MAG: variants seen among roughly 807,000 people sequenced by gnomAD.
MAG encodes the protein myelin-associated glycoprotein.
MAG carries 30 observed loss-of-function variants against 60.7 expected under a neutral mutation model. The ratio of observed to expected loss-of-function variants is 0.49; its 90% CI spans 0.37 to 0.67. The LOEUF is 0.67. MAG is among the 30% of genes least tolerant of loss of function. The probability of loss-of-function intolerance (pLI) is 0.00; values close to 1 mark genes in which losing one functional copy is unlikely to be tolerated. For missense variants in MAG, 795 were observed against 851.7 expected, an observed-to-expected ratio of 0.93 and a Z score of 0.83; for synonymous variants, 384 against 376.8, an observed-to-expected ratio of 1.02 and a Z score of -0.22.
chr19:35,313,427 T>C lies in MAG; in HGVS notation c.1854T>C (p.Ala618=). ...KDSYTLTEEL[A]EYAEIRVK Reference sequence around the variant, plus strand: ...GCTACACGCTGACGGAGGAGCTAGCTGAGTATGCTGAAATCCGGGTCAAGT... The same window carrying C: ...GCTACACGCTGACGGAGGAGCTAGCCGAGTATGCTGAAATCCGGGTCAAGT... The change falls in exon 11 of 11, where the codon GCT becomes GCC. Residue 618 remains alanine, a synonymous_variant. Transcript: ENST00000392213. The C allele has an allele frequency of 1.2e-6, 2 of 1,613,358 alleles. No individual in the cohort carries two copies. Among genetic ancestry groups the C allele is most frequent in the Non-Finnish European group, 8.5e-7 (1 of 1,179,726 alleles).
At chr19:35,306,963 G>T (rs1258437544) in intron 7 of MAG, among the ~76,000 whole-genome samples, 1 of 152,212 alleles carries the variant, frequency 6.6e-6, no homozygotes, top group African/African-American at 2.4e-5. Flanking sequence ...TTACAGGTTT[G>T]TCTAGAGTCC....
In MAG at chr19:35,313,385, A is replaced by G. The variant is rs1282972658; in HGVS notation, c.1812A>G (p.Lys604=). The change falls in exon 11 of 11, where the codon AAA becomes AAG. Residue 604 remains lysine, a synonymous_variant. Coordinates refer to ENST00000392213, the MANE Select transcript of MAG (RefSeq NM_002361.4). ...DLSYSHSDLG[K]RPTKDSYTLT... Reference sequence around the variant, plus strand: ...GCTATTCTCACTCGGACCTGGGGAAACGGCCCACCAAGGACAGCTACACGC... The same window carrying G: ...GCTATTCTCACTCGGACCTGGGGAAGCGGCCCACCAAGGACAGCTACACGC... 1.2e-6 allele frequency: 2 copies of G among 1,614,072 alleles called. No homozygotes were observed. Among genetic ancestry groups the G allele is most frequent in the Non-Finnish European group, 1.7e-6 (2 of 1,179,982 alleles).
Position 35,305,742 on chromosome 19 carries a change from G to A in MAG, c.1231+3034G>A, listed in dbSNP as rs186209449. ...GGCTGAGACAGTTGGATCACTTGAG[G>A]CCAGGAGTTCGAGACCAGCCTGACC... On this transcript the variant is annotated intron_variant, in intron 7 of 10. Transcript: ENST00000392213. 1.6e-3 allele frequency among the ~76,000 whole-genome samples: 243 copies of A among 152,298 alleles called. 1 individual carries two copies. Among genetic ancestry groups the A allele is most frequent in the Admixed American group, 3.9e-3 (60 of 15,294 alleles).
At chr19:35,294,130 CA>C (rs2066378501) in intron 1 of MAG, 104 bp from the exon 2 acceptor site, 1 of 299,322 alleles carries the variant, frequency 3.3e-6, no homozygotes, top group Non-Finnish European at 6.5e-6. Flanking sequence ...GCCACATGGG[CA>C]GCCTGACAAC....
At chr19:35,300,034 GC>G in intron 5 of MAG, 112 bp from the exon 6 acceptor site, 1 of 1,123,708 alleles carries the variant, frequency 8.9e-7, no homozygotes, top group South Asian at 1.8e-5. Context: ...CTGGGGCGGG[GC>G]CAAGGCTGAG....
intron 5 of MAG, 29 bp from the exon 6 acceptor site, chr19:35,300,118 C>A: frequency 6.6e-7 from 1 of 1,510,004 alleles, no homozygotes; most frequent in South Asian, 1.3e-5. Context: ...AGCACCTGCT[C>A]ACTAACCTCG....
At chr19:35,303,999 C>T (rs1221530017) in intron 7 of MAG, among the ~76,000 whole-genome samples, 1 of 152,182 alleles carries the variant, frequency 6.6e-6, no homozygotes, top group Non-Finnish European at 1.5e-5. Context: ...GCCCCCACCA[C>T]ACAAGTTTGC....
rs1328167605 is a variant in MAG, at chr19:35,313,497, C to T, written c.*43C>T. 1 of 1,550,586 alleles carries T rather than the reference C, an allele frequency of 6.4e-7. No individual in the cohort carries two copies. ...TGCGTGGCTGACCCCCCTCAGGACCCTCGCTGGCCCCCACTGGCTGTGGGC... is the reference window on the plus strand; with the variant it reads ...TGCGTGGCTGACCCCCCTCAGGACCTTCGCTGGCCCCCACTGGCTGTGGGC... On this transcript the variant is annotated 3_prime_UTR_variant, in exon 11 of 11. Transcript: ENST00000392213.
At chr19:35,302,116 G>A (rs955670016) in intron 6 of MAG, among the ~76,000 whole-genome samples, 2 of 152,132 alleles carry the variant, frequency 1.3e-5, no homozygotes, top group African/African-American at 4.8e-5. Flanking sequence ...CTGTCACTCA[G>A]CAGGTTCTCA....
chr19:35,308,369 T>A (rs1437954804), intron 7 of MAG, among the ~76,000 whole-genome samples: 1 of 152,188 alleles, frequency 6.6e-6, no homozygotes, highest in Non-Finnish European at 1.5e-5. Flanking sequence ...TGGAAAGGAC[T>A]AAGCCAGGGG....
rs201061871 is a variant in MAG, at chr19:35,295,701, C to A, written c.135C>A (p.Asp45Glu). 17 of 1,613,544 alleles carry A rather than the reference C, an allele frequency of 1.1e-5. No homozygotes were observed. Among genetic ancestry groups the A allele is most frequent in the Non-Finnish European group, 1.2e-5 (14 of 1,180,038 alleles). The change falls in exon 4 of 11, where the codon GAC becomes GAA. Residue 45 changes from aspartate to glutamate, a missense_variant. Physicochemically the swap from Asp to Glu is conservative, Grantham distance 45. Coordinates refer to ENST00000392213, the MANE Select transcript of MAG (RefSeq NM_002361.4). The surrounding 1 kb of genome is among the most constrained non-coding windows in gnomAD (Gnocchi z 5.8). ...GCGTCTCCATCCCCTGCCGCTTTGA[C>A]TTCCCGGATGAGCTGCGGCCCGCTG... ...GTCVSIPCRF[D>E]FPDELRPAVV...
chr19:35,312,905 G>C (rs1343638676), intron 10 of MAG, among the ~76,000 whole-genome samples: 2 of 152,120 alleles, frequency 1.3e-5, no homozygotes, highest in African/African-American at 4.8e-5. Context: ...CAGGCGTGTT[G>C]GCAGGTGCCT....
chr19:35,305,676 T>G (rs1260030062), intron 7 of MAG, among the ~76,000 whole-genome samples: 2 of 152,148 alleles, frequency 1.3e-5, no homozygotes, highest in African/African-American at 2.4e-5. Flanking sequence ...AGAATTAGGC[T>G]GGGCGTGGTG....
chr19:35,300,432 C>T (rs764757299), intron 6 of MAG, 28 bp downstream of exon 6: 29 of 1,529,088 alleles, frequency 1.9e-5, no homozygotes, highest in Non-Finnish European at 2.5e-5. Context: ...TGCGTCCACA[C>T]GCCCACCTGC....
At position 35,311,974 on chromosome 19, in the gene MAG, TCAG is replaced by T. The variant is rs1249684704; in HGVS notation, c.1678_1680del (p.Ser560del). ...GCAGGGGACAACCCTCCCGTCCTGT[TCAG>T]CAGCGACTTCCGCATCTCTGGGGCA... is the stretch of plus-strand genomic sequence containing the variant. On this transcript the variant is annotated inframe_deletion, in exon 10 of 11. Transcript: ENST00000392213. The T allele has an allele frequency of 6.2e-7, 1 of 1,613,496 alleles. No homozygotes were observed. Among genetic ancestry groups the T allele is most frequent in the Non-Finnish European group, 8.5e-7 (1 of 1,179,724 alleles).
chr19:35,307,290 C>T (rs187055187), intron 7 of MAG, among the ~76,000 whole-genome samples: 44 of 152,314 alleles, frequency 2.9e-4, no homozygotes, highest in African/African-American at 1.0e-3. Context: ...ATCCGTGTGC[C>T]CGTGTGACTC....
intron 7 of MAG, among the ~76,000 whole-genome samples, chr19:35,309,359 G>A (rs1235702165): frequency 3.9e-5 from 6 of 152,200 alleles, no homozygotes; most frequent in Admixed American, 6.5e-5. Flanking sequence ...AGACACGTCC[G>A]TGAGGGTCAG....
At chr19:35,302,758 A>G (rs554655388) in intron 7 of MAG, 50 bp downstream of exon 7, 1 of 1,594,094 alleles carries the variant, frequency 6.3e-7, no homozygotes, top group African/African-American at 1.3e-5. Flanking sequence ...TCCGTGGGGG[A>G]CACCAGGGTT....
At chr19:35,292,343 G>C in intron 1 of MAG, 139 bp downstream of exon 1, 4 of 428,274 alleles carry the variant, frequency 9.3e-6, no homozygotes, top group South Asian at 6.5e-5. Flanking sequence ...AGGAGTGTGT[G>C]GCTTGGGGCT....
Sources: allele counts gnomAD v4.1 joint callset (sites outside exome capture counted in the v4.1 genomes callset), GRCh38; gene constraint gnomAD v4.1.1; non-coding constraint Gnocchi (gnomAD v3.1); transcripts MANE v1.5; gene names NCBI Gene and HGNC (gene_info 2026-07-23, HGNC 2026-07-21).